RBMS3: variants seen among roughly 807,000 people sequenced by gnomAD.
The protein encoded by RBMS3 is RNA binding motif single stranded interacting protein 3, also known as RNA-binding motif, single-stranded-interacting protein 3.
Under a neutral mutation model 66.8 loss-of-function variants are expected in RBMS3, and 27 were observed. That is an observed-to-expected ratio of 0.40 (90% CI 0.30 to 0.56). The LOEUF (loss-of-function observed/expected upper bound fraction) is 0.56. RBMS3 is among the 20% of genes least tolerant of loss of function. The pLI is 0.40. For missense variants in RBMS3, 513 were observed against 549.5 expected (o/e 0.93, Z 0.66); for synonymous variants, 188 against 183.0 (o/e 1.03, Z -0.22).
At chr3:29,739,529 T>G (rs895863128) in intron 4 of RBMS3, among the ~76,000 whole-genome samples, 191 bp from the exon 5 acceptor site, 1 of 152,004 alleles carries the variant, frequency 6.6e-6, no homozygotes, top group Admixed American at 6.6e-5. Context: ...TTGGCTTTCA[T>G]TGATCATTTT....
intron 4 of RBMS3, among the ~76,000 whole-genome samples, chr3:29,706,905 A>G (rs1052286948): frequency 6.6e-6 from 1 of 152,202 alleles, no homozygotes; most frequent in Admixed American, 6.5e-5. Context: ...AGGAAAGGAA[A>G]TACAGACTTT....
At chr3:29,859,785 C>A (rs535681510) in intron 6 of RBMS3, among the ~76,000 whole-genome samples, 1 of 152,298 alleles carries the variant, frequency 6.6e-6, no homozygotes, top group South Asian at 2.1e-4. Context: ...TGTGTTGTAA[C>A]CTTCAAGTAA....
chr3:29,327,240 A>G (rs2035393459), intron 1 of RBMS3, among the ~76,000 whole-genome samples: 1 of 152,152 alleles, frequency 6.6e-6, no homozygotes, highest in Non-Finnish European at 1.5e-5. Context: ...GGTTCTCTTT[A>G]TCTCCTTTGC....
intron 1 of RBMS3, among the ~76,000 whole-genome samples, chr3:29,381,360 G>C (rs2038757501): frequency 6.6e-6 from 1 of 152,148 alleles, no homozygotes; most frequent in South Asian, 2.1e-4. Context: ...AGTGTTAAAT[G>C]GACCAATGGT....
intron 14 of RBMS3, among the ~76,000 whole-genome samples, chr3:29,992,352 C>G (rs887671341): frequency 6.6e-6 from 1 of 152,000 alleles, no homozygotes. Context: ...TATGGGAGGC[C>G]GAGGCGGGCG....
Position 30,004,332 on chromosome 3 carries a change from TTTTTA to T in RBMS3, c.*480_*484del, listed in dbSNP as rs1168313702. On this transcript the variant is annotated 3_prime_UTR_variant, in exon 15 of 15. Coordinates refer to ENST00000383767, the MANE Select transcript of RBMS3 (RefSeq NM_001003793.3). The stretch of plus-strand genomic sequence containing the variant: ...CCCTTCTTGTTTTAATCTAGTGGGT[TTTTTA>T]TTTTATTTTTTCTTAGAAATATGTA... 3 of 152,436 alleles carry T rather than the reference TTTTTA, an allele frequency of 2.0e-5. No homozygotes were observed. Among genetic ancestry groups the T allele is most frequent in the Admixed American group, 6.6e-5 (1 of 15,210 alleles). The allele number at this position is 152,436 out of a possible 1,614,324, so 9.4% of individuals were successfully genotyped here.
At chr3:29,407,291 G>A (rs542981822) in intron 1 of RBMS3, among the ~76,000 whole-genome samples, 9 of 152,240 alleles carry the variant, frequency 5.9e-5, no homozygotes, top group Non-Finnish European at 1.2e-4. Context: ...TTCAGACATG[G>A]AAACTGAGGC....
intron 6 of RBMS3, among the ~76,000 whole-genome samples, chr3:29,863,651 C>A (rs2059273035): frequency 6.6e-6 from 1 of 151,998 alleles, no homozygotes; most frequent in Non-Finnish European, 1.5e-5. Flanking sequence ...AGACAGTGCA[C>A]AAAGAGATCT....
chr3:29,408,658 C>G (rs376947828), intron 1 of RBMS3, among the ~76,000 whole-genome samples: 2 of 152,056 alleles, frequency 1.3e-5, no homozygotes, highest in East Asian at 1.9e-4. Context: ...TATTTTCTTT[C>G]TAAATCATAA....
intron 10 of RBMS3, among the ~76,000 whole-genome samples, chr3:29,921,895 G>A (rs1209654850): frequency 6.6e-6 from 1 of 152,132 alleles, no homozygotes; most frequent in Non-Finnish European, 1.5e-5. Context: ...GGGACCCAGA[G>A]CCTCCTGCTG....
chr3:29,935,522 AAT>A (rs1428614101), intron 10 of RBMS3, among the ~76,000 whole-genome samples: 4 of 152,146 alleles, frequency 2.6e-5, no homozygotes, highest in African/African-American at 9.7e-5. Context: ...GAGGAAAACA[AAT>A]GGGAAATAGT....
At chr3:29,708,133 A>G (rs2052994784) in intron 4 of RBMS3, among the ~76,000 whole-genome samples, 1 of 152,192 alleles carries the variant, frequency 6.6e-6, no homozygotes. Context: ...TTTGTTTTTA[A>G]TTATTTAACA....
intron 2 of RBMS3, among the ~76,000 whole-genome samples, chr3:29,445,924 A>G (rs1002764462): frequency 6.6e-6 from 1 of 152,174 alleles, no homozygotes; most frequent in Non-Finnish European, 1.5e-5. Flanking sequence ...TTAAGCCAAC[A>G]TTATTGAGGA....
chr3:29,509,045 T>G (rs1559422561), intron 3 of RBMS3, among the ~76,000 whole-genome samples: 2 of 151,048 alleles, frequency 1.3e-5, no homozygotes, highest in African/African-American at 4.9e-5. Context: ...TTGATGGGGT[T>G]GGTTTTTTTT....
chr3:29,841,030 C>T (rs1334737153), intron 6 of RBMS3, among the ~76,000 whole-genome samples: 1 of 151,744 alleles, frequency 6.6e-6, no homozygotes, highest in African/African-American at 2.4e-5. Flanking sequence ...AATTTATATG[C>T]TCTGCCAAGG....
chr3:29,629,807 A>C (rs1321747042), intron 4 of RBMS3, among the ~76,000 whole-genome samples: 1 of 152,088 alleles, frequency 6.6e-6, no homozygotes, highest in Non-Finnish European at 1.5e-5. Context: ...AATACAGTTG[A>C]CCTGACAAGG....
chr3:29,676,350 A>G (rs1400563771), intron 4 of RBMS3, among the ~76,000 whole-genome samples: 2 of 152,182 alleles, frequency 1.3e-5, no homozygotes, highest in Admixed American at 6.5e-5. Context: ...GGTACAGCAC[A>G]CCAACATGGC....
intron 12 of RBMS3, among the ~76,000 whole-genome samples, chr3:29,963,814 C>G (rs1488203837): frequency 8.0e-6 from 1 of 125,680 alleles, no homozygotes; most frequent in African/African-American, 3.0e-5. Flanking sequence ...GTGACAGAAC[C>G]AGGCTGCCCC....
chr3:29,415,593 T>TAC (rs1486838585), intron 1 of RBMS3, among the ~76,000 whole-genome samples: 14 of 152,250 alleles, frequency 9.2e-5, no homozygotes, highest in Admixed American at 8.5e-4. Flanking sequence ...TGGGATAGAT[T>TAC]AGAGTACTTG....
Sources: gnomAD v4.1 joint callset for allele counts (sites outside exome capture counted in the v4.1 genomes callset) on GRCh38, gnomAD v4.1.1 for gene constraint, MANE v1.5 for transcripts, NCBI Gene and HGNC (gene_info 2026-07-23, HGNC 2026-07-21) for gene names.